The following IQGAP2 variants were observed in gnomAD, a reference collection of about 807,000 sequenced individuals.
The protein encoded by IQGAP2 is IQ motif containing GTPase activating protein 2, also known as ras GTPase-activating-like protein IQGAP2.
In IQGAP2, 173 loss-of-function variants were observed where a neutral mutation model predicts 201.3. The ratio of observed to expected loss-of-function variants is 0.86; its 90% CI spans 0.76 to 0.98. The LOEUF (loss-of-function observed/expected upper bound fraction) is 0.98, where lower values mean the gene tolerates loss of function less well. Among genes scored for constraint, IQGAP2 ranks in the 50% least tolerant of loss-of-function variants. The pLI is 0.00. For missense variants in IQGAP2, 1,687 were observed against 1,864.8 expected (o/e 0.90, Z 1.76); for synonymous variants, 675 against 673.9 (o/e 1.00, Z -0.03).
chr5:76,698,044 C>T lies in IQGAP2; in HGVS notation c.4264C>T (p.Gln1422Ter). The part of the protein sequence containing the change: ...KLRKAELAKL[Q>*]QTLNALNKKA... ...TCGAAAAGCTGAATTGGCAAAACTT[C>T]AGCAGACCCTGAATGCACTTAACAA... Residue 1422 changes from glutamine to a stop codon, truncating the protein, a stop_gained, in exon 33 of 36, where the codon CAG becomes TAG. Transcript: ENST00000274364. LOFTEE classifies it high-confidence loss of function. The T allele has an allele frequency of 6.2e-7, 1 of 1,613,328 alleles. No homozygotes were observed. The highest frequency in any genetic ancestry group is 8.5e-7 in the Non-Finnish European group (1 of 1,179,486).
chr5:76,545,659 A>G (rs1022719094), intron 2 of IQGAP2, among the ~76,000 whole-genome samples: 44 of 151,982 alleles, frequency 2.9e-4, no homozygotes, highest in Admixed American at 2.8e-3. Flanking sequence ...AGTTCCATCC[A>G]TTTTACTAGG....
intron 2 of IQGAP2, among the ~76,000 whole-genome samples, chr5:76,488,647 A>G (rs1756322667): frequency 6.6e-6 from 1 of 152,214 alleles, no homozygotes; most frequent in African/African-American, 2.4e-5. Context: ...ATTTCTTTGA[A>G]CAGTTTGATC....
intron 2 of IQGAP2, among the ~76,000 whole-genome samples, chr5:76,507,022 G>T (rs1397096255): frequency 2.0e-5 from 3 of 152,174 alleles, no homozygotes; most frequent in Non-Finnish European, 2.9e-5. Context: ...TGACTCTAAA[G>T]TTTATAGATA....
intron 32 of IQGAP2, 151 bp from the exon 33 acceptor site, chr5:76,697,836 G>T (rs952851618): frequency 7.2e-6 from 4 of 557,338 alleles, no homozygotes; most frequent in Non-Finnish European, 9.6e-6. Flanking sequence ...GAACCCTGTG[G>T]TGTTGAGAGT....
At chr5:76,517,754 G>A (rs1207229011) in intron 2 of IQGAP2, among the ~76,000 whole-genome samples, 2 of 152,088 alleles carry the variant, frequency 1.3e-5, no homozygotes, top group Non-Finnish European at 1.5e-5. Context: ...ACGAGTATGC[G>A]ATTGTTGAAT....
chr5:76,432,128 C>CTTTTTTTTTTTTTT (rs70982606), intron 1 of IQGAP2, among the ~76,000 whole-genome samples: 2,119 of 95,230 alleles, frequency 0.022, 103 homozygotes, highest in Non-Finnish European at 0.027. Context: ...TTTCTTTCTT[C>CTTTTTTTTTTTTTT]TTTTTTTTTT....
rs544258715 is a variant in IQGAP2 at position 76,556,599 on chromosome 5, C to T, written c.147-5797C>T. ...AAAATCAATCCAAAGGCTAGTCAGC[C>T]CGCATGATGACTGGGCACAAGTTTA... On this transcript the variant is annotated intron_variant, in intron 2 of 35. Coordinates refer to ENST00000274364, the MANE Select transcript of IQGAP2 (RefSeq NM_006633.5). 5.3e-4 allele frequency among the ~76,000 whole-genome samples: 80 copies of T among 152,314 alleles called. No individual in the cohort carries two copies. The Middle Eastern group carries it at 0.01, about 19-fold the overall frequency.
chr5:76,423,871 C>T (rs574960294), intron 1 of IQGAP2, among the ~76,000 whole-genome samples: 2 of 152,126 alleles, frequency 1.3e-5, no homozygotes, highest in Non-Finnish European at 2.9e-5. Context: ...AAAGTGTATT[C>T]AGCACATTCT....
intron 1 of IQGAP2, among the ~76,000 whole-genome samples, chr5:76,458,893 TA>T (rs1473325133): frequency 2.6e-5 from 4 of 152,340 alleles, no homozygotes; most frequent in African/African-American, 9.6e-5. Flanking sequence ...CATATATTTT[TA>T]CAGAGCATGC....
At chr5:76,652,631 G>A in intron 17 of IQGAP2, 119 bp from the exon 18 acceptor site, 1 of 758,984 alleles carries the variant, frequency 1.3e-6, no homozygotes, top group East Asian at 2.5e-5. Flanking sequence ...AGATCTGAAG[G>A]GAGGGTGCCT....
rs552119772 is a variant in IQGAP2 at position 76,679,401 on chromosome 5, G to A, written c.3660+2051G>A. On this transcript the variant is annotated intron_variant, in intron 28 of 35. Coordinates refer to ENST00000274364, the MANE Select transcript of IQGAP2 (RefSeq NM_006633.5). ...AGGTTAGAAGCAGATGTAATGTGGG[G>A]AAATTGTGTAATTTCATAGGAAGAC... 2.0e-5 allele frequency among the ~76,000 whole-genome samples: 3 copies of A among 152,308 alleles called. No individual in the cohort carries two copies. The South Asian group carries it at 6.2e-4, about 32-fold the overall frequency.
At chr5:76,695,710 T>C in intron 32 of IQGAP2, 44 bp downstream of exon 32, 5 of 1,496,984 alleles carry the variant, frequency 3.3e-6, no homozygotes, top group African/African-American at 1.4e-5. Context: ...TAGCAGACAT[T>C]TGCTAATCAC....
At chr5:76,520,760 G>C (rs1217097460) in intron 2 of IQGAP2, among the ~76,000 whole-genome samples, 1 of 138,092 alleles carries the variant, frequency 7.2e-6, no homozygotes, top group East Asian at 2.3e-4. Context: ...CTGGAGTGCA[G>C]TGAGTGGCAC....
chr5:76,409,087 C>T (rs1382672842), intron 1 of IQGAP2, among the ~76,000 whole-genome samples: 2 of 150,702 alleles, frequency 1.3e-5, no homozygotes, highest in Non-Finnish European at 3.0e-5. Context: ...GCCACCACGC[C>T]CAGTGAGACC....
chr5:76,691,318 AT>A (rs1746247034), intron 30 of IQGAP2: 1 of 152,216 alleles, frequency 6.6e-6, no homozygotes, highest in South Asian at 2.1e-4. Context: ...GGCACGTTTT[AT>A]TGACTCCAGT....
chr5:76,403,595 A>G lies in IQGAP2; in HGVS notation c.46+4A>G. 1 of 1,535,108 alleles carries G rather than the reference A, an allele frequency of 6.5e-7. No homozygotes were observed. Reference sequence around the variant, plus strand: ...CTGCAGAGACCCCGCTATGGCTGTAAGTGCGCCGGGCGCGCGGGGTTCCTG... The same window carrying G: ...CTGCAGAGACCCCGCTATGGCTGTAGGTGCGCCGGGCGCGCGGGGTTCCTG... On this transcript the variant is annotated splice_donor_region_variant and intron_variant, in intron 1 of 35. Coordinates refer to ENST00000274364, the MANE Select transcript of IQGAP2 (RefSeq NM_006633.5). This position sits in a 1 kb window ranked among gnomAD's most constrained non-coding sequence, Gnocchi z 4.8.
At chr5:76,652,640 C>G (rs1752607656) in intron 17 of IQGAP2, 110 bp from the exon 18 acceptor site, 7 of 796,036 alleles carry the variant, frequency 8.8e-6, no homozygotes, top group Non-Finnish European at 1.4e-5. Flanking sequence ...GGGAGGGTGC[C>G]TGACAGTGTC....
intron 16 of IQGAP2, among the ~76,000 whole-genome samples, chr5:76,640,375 C>G (rs556355084): frequency 7.9e-5 from 12 of 152,178 alleles, no homozygotes; most frequent in African/African-American, 2.9e-4. Flanking sequence ...TTCCTTTTTT[C>G]TCATTCTTCT....
chr5:76,562,214 C>T (rs1744425001), intron 2 of IQGAP2, among the ~76,000 whole-genome samples, 182 bp from the exon 3 acceptor site: 1 of 152,136 alleles, frequency 6.6e-6, no homozygotes, highest in Non-Finnish European at 1.5e-5. Flanking sequence ...TCCCCCTGTT[C>T]GTCTCATGTT....
Sources: allele counts gnomAD v4.1 joint callset (sites outside exome capture counted in the v4.1 genomes callset), GRCh38; gene constraint gnomAD v4.1.1; non-coding constraint Gnocchi (gnomAD v3.1); transcripts MANE v1.5; gene names NCBI Gene and HGNC (gene_info 2026-07-23, HGNC 2026-07-21).